The following BTBD9 variants were observed in gnomAD, a reference collection of about 807,000 sequenced individuals.
BTBD9 encodes BTB domain containing 9, also known as BTB/POZ domain-containing protein 9.
BTBD9 carries 49 observed loss-of-function variants against 64.3 expected under a neutral mutation model. That is an observed-to-expected ratio of 0.76 (90% CI 0.61 to 0.97). The LOEUF (loss-of-function observed/expected upper bound fraction) is 0.97, where lower values mean the gene tolerates loss of function less well. BTBD9 is among the 50% of genes least tolerant of loss of function. The pLI, the probability that BTBD9 is intolerant of heterozygous loss-of-function variation, is 0.00. For synonymous variants in BTBD9, 260 were observed against 274.7 expected (o/e 0.95, Z 0.53); for missense variants, 598 against 762.1 (o/e 0.78, Z 2.53).
intron 8 of BTBD9, among the ~76,000 whole-genome samples, chr6:38,259,631 C>T (rs148416099): frequency 7.9e-4 from 121 of 152,272 alleles, no homozygotes; most frequent in East Asian, 3.5e-3. Flanking sequence ...GTTGGCCAGG[C>T]GGGGTCAAAC....
chr6:38,601,137 T>G (rs1487010388), intron 1 of BTBD9, among the ~76,000 whole-genome samples: 1 of 152,160 alleles, frequency 6.6e-6, no homozygotes, highest in Admixed American at 6.5e-5. Context: ...GAATCACCAT[T>G]CTGAAGTGAT....
intron 6 of BTBD9, among the ~76,000 whole-genome samples, chr6:38,454,298 G>A (rs1474808829): frequency 6.6e-6 from 1 of 151,892 alleles, no homozygotes; most frequent in African/African-American, 2.4e-5. Flanking sequence ...CTTATTAGTT[G>A]AATTATTTTT....
chr6:38,529,643 T>G (rs1773692517), intron 6 of BTBD9, among the ~76,000 whole-genome samples: 1 of 152,220 alleles, frequency 6.6e-6, no homozygotes. Context: ...CGGAGGAACA[T>G]AAATTGTGAA....
intron 6 of BTBD9, among the ~76,000 whole-genome samples, chr6:38,357,582 C>G (rs1355550956): frequency 6.6e-6 from 1 of 152,190 alleles, no homozygotes; most frequent in African/African-American, 2.4e-5. Flanking sequence ...TCTCCCCATC[C>G]CTTTGGTTAT....
At chr6:38,455,466 AG>A (rs1769753750) in intron 6 of BTBD9, among the ~76,000 whole-genome samples, 1 of 152,218 alleles carries the variant, frequency 6.6e-6, no homozygotes, top group African/African-American at 2.4e-5. Flanking sequence ...CACCGTGCCC[AG>A]CCTCATTTTG....
At chr6:38,572,438 C>T (rs1032014549) in intron 6 of BTBD9, among the ~76,000 whole-genome samples, 1 of 152,084 alleles carries the variant, frequency 6.6e-6, no homozygotes, top group Non-Finnish European at 1.5e-5. Context: ...GTGACTACAA[C>T]AACCAGAAGA....
chr6:38,326,712 T>C (rs1763449266), intron 7 of BTBD9, among the ~76,000 whole-genome samples: 1 of 151,872 alleles, frequency 6.6e-6, no homozygotes, highest in Non-Finnish European at 1.5e-5. Context: ...TTCCAACTTT[T>C]TATAACAGGC....
At chr6:38,438,057 G>A (rs545046652) in intron 6 of BTBD9, among the ~76,000 whole-genome samples, 24 of 151,904 alleles carry the variant, frequency 1.6e-4, no homozygotes, top group African/African-American at 5.6e-4. Flanking sequence ...GGGATACGAA[G>A]CGAGGATATT....
intron 6 of BTBD9, among the ~76,000 whole-genome samples, chr6:38,505,729 G>T (rs1383008843): frequency 2.0e-5 from 3 of 151,874 alleles, no homozygotes; most frequent in Non-Finnish European, 4.4e-5. Flanking sequence ...CACTTTGGGA[G>T]GCTGAGGTGG....
chr6:38,499,350 G>A (rs1772094848), intron 6 of BTBD9, among the ~76,000 whole-genome samples: 1 of 152,038 alleles, frequency 6.6e-6, no homozygotes, highest in Non-Finnish European at 1.5e-5. Context: ...GTTGCCCATG[G>A]CACTTGAACA....
At chr6:38,638,122 G>A (rs1158392082) in intron 1 of BTBD9, among the ~76,000 whole-genome samples, 1 of 152,104 alleles carries the variant, frequency 6.6e-6, no homozygotes, top group African/African-American at 2.4e-5. Context: ...ACTTCTTTCA[G>A]AGACCAAGTC....
chr6:38,443,583 G>T (rs4714161), intron 6 of BTBD9, among the ~76,000 whole-genome samples: 79,628 of 151,978 alleles, frequency 0.52, 21,765 homozygotes, highest in East Asian at 0.96. Context: ...TAGCAAGCAG[G>T]CAGCTGCTCA....
In BTBD9 at chr6:38,475,299, T is replaced by G. The variant is rs140319046; in HGVS notation, c.1154+102301A>C. Among the ~76,000 whole-genome samples the G allele has an allele frequency of 5.8e-3, 878 of 152,294 alleles. 8 individuals are homozygous for G. The highest frequency in any genetic ancestry group is 9.7e-3 in the Non-Finnish European group (658 of 68,026). ...TTTTCTTCAATAGTAATACTTATAT[T>G]CTCAGAAAATCTCCTAGTAACAGTT... On this transcript the variant is annotated intron_variant, in intron 6 of 10. Coordinates refer to ENST00000481247, the MANE Select transcript of BTBD9 (RefSeq NM_001099272.2).
At chr6:38,301,412 T>A (rs1211642459) in intron 7 of BTBD9, among the ~76,000 whole-genome samples, 1 of 152,214 alleles carries the variant, frequency 6.6e-6, no homozygotes, top group African/African-American at 2.4e-5. Flanking sequence ...TTTCTGTTGA[T>A]TGGAGTAGTT....
rs114016468 is a variant in BTBD9 at position 38,532,185 on chromosome 6, T to C, written c.1154+45415A>G. Among the ~76,000 whole-genome samples, 1,148 of 152,266 alleles carry C rather than the reference T, an allele frequency of 7.5e-3. 15 individuals carry two copies. The highest frequency in any genetic ancestry group is 0.026 in the African/African-American group (1,079 of 41,542). On this transcript the variant is annotated intron_variant, in intron 6 of 10. Transcript: ENST00000481247. Reference sequence around the variant, plus strand: ...TACTGAACTCAATGGTGCCCTGTCATAGCAGAAAACAAAACTGGGCTGAAC... The same window carrying C: ...TACTGAACTCAATGGTGCCCTGTCACAGCAGAAAACAAAACTGGGCTGAAC...
chr6:38,598,148 T>C (rs181266203), intron 1 of BTBD9, 27 bp from the exon 2 acceptor site: 359 of 1,545,568 alleles, frequency 2.3e-4, no homozygotes, highest in Admixed American at 8.3e-4. Context: ...GAATGAGAGT[T>C]AGTTGGGGGA....
chr6:38,626,801 C>T (rs1778184319), intron 1 of BTBD9, among the ~76,000 whole-genome samples: 1 of 152,034 alleles, frequency 6.6e-6, no homozygotes, highest in African/African-American at 2.4e-5. Flanking sequence ...CACTGGTAAA[C>T]AAGTGAGGAA....
At chr6:38,302,441 C>A (rs1248706178) in intron 7 of BTBD9, among the ~76,000 whole-genome samples, 1 of 142,494 alleles carries the variant, frequency 7.0e-6, no homozygotes, top group East Asian at 2.1e-4. Context: ...CAAATGACAG[C>A]ATTTCATTCT....
chr6:38,569,996 T>C (rs866123757), intron 6 of BTBD9, among the ~76,000 whole-genome samples: 1 of 152,184 alleles, frequency 6.6e-6, no homozygotes. Flanking sequence ...GTTCACTCTA[T>C]AATAATACTC....
Sources: allele counts gnomAD v4.1 joint callset (sites outside exome capture counted in the v4.1 genomes callset), GRCh38; gene constraint gnomAD v4.1.1; transcripts MANE v1.5; gene names NCBI Gene and HGNC (gene_info 2026-07-23, HGNC 2026-07-21).